The following PDZD2 variants were observed in gnomAD, a reference collection of about 807,000 sequenced individuals.
PDZD2 encodes the protein PDZ domain containing 2.
Under a neutral mutation model 220.7 loss-of-function variants are expected in PDZD2, and 90 were observed. The ratio of observed to expected loss-of-function variants is 0.41; its 90% CI spans 0.34 to 0.49. The LOEUF (loss-of-function observed/expected upper bound fraction) is 0.49, where lower values mean the gene tolerates loss of function less well. Among genes scored for constraint, PDZD2 ranks in the 20% least tolerant of loss-of-function variants. The probability of loss-of-function intolerance (pLI) is 0.28; values close to 1 mark genes in which losing one functional copy is unlikely to be tolerated. For missense variants in PDZD2, 3,174 were observed against 3,608.5 expected (o/e 0.88, Z 3.08); for synonymous variants, 1,375 against 1,450.5 (o/e 0.95, Z 1.18).
At chr5:31,840,822 C>T (rs1377743456) in intron 2 of PDZD2, 1 of 752,260 alleles carries the variant, frequency 1.3e-6, no homozygotes, top group East Asian at 2.5e-5. Context: ...GTGGGGCGTT[C>T]CTTTTTGAAC....
chr5:31,972,869 G>C (rs193053902), intron 2 of PDZD2, among the ~76,000 whole-genome samples: 49 of 152,304 alleles, frequency 3.2e-4, no homozygotes, highest in Admixed American at 1.8e-3. Flanking sequence ...TGTGTGTCTA[G>C]AGTTCTAATT....
At chr5:31,703,892 T>C (rs1409068420) in intron 1 of PDZD2, among the ~76,000 whole-genome samples, 1 of 152,178 alleles carries the variant, frequency 6.6e-6, no homozygotes, top group Non-Finnish European at 1.5e-5. Flanking sequence ...TTTACCCCCA[T>C]AGATACTGCT....
intron 2 of PDZD2, among the ~76,000 whole-genome samples, chr5:31,878,599 G>C (rs534248305): frequency 9.3e-6 from 1 of 107,584 alleles, no homozygotes; most frequent in African/African-American, 3.7e-5. Flanking sequence ...TCTCGCTGTC[G>C]CCCAGGCTGG....
chr5:31,855,215 A>T (rs1326091118), intron 2 of PDZD2: 2 of 694,700 alleles, frequency 2.9e-6, no homozygotes, highest in Non-Finnish European at 3.5e-6. Flanking sequence ...TTCTGATCTG[A>T]TCCAGGTCGG....
At chr5:31,841,307 T>A (rs1409744913) in intron 2 of PDZD2, among the ~76,000 whole-genome samples, 1 of 152,158 alleles carries the variant, frequency 6.6e-6, no homozygotes, top group East Asian at 1.9e-4. Context: ...ATTCTACCAC[T>A]TACCAAATGT....
chr5:31,878,672 T>C (rs2150333053), intron 2 of PDZD2, among the ~76,000 whole-genome samples: 1 of 145,454 alleles, frequency 6.9e-6, no homozygotes, highest in East Asian at 2.2e-4. Flanking sequence ...GCCATTCTCC[T>C]GCCTCAGCCT....
At position 32,088,398 on chromosome 5, in the gene PDZD2, C is replaced by G. The variant is rs1313113076; in HGVS notation, c.4950C>G (p.Ala1650=). 1.2e-6 allele frequency: 2 copies of G among 1,613,960 alleles called. No individual in the cohort carries two copies. Among genetic ancestry groups the G allele is most frequent in the African/African-American group, 1.3e-5 (1 of 75,016 alleles). The change falls in exon 20 of 25, where the codon GCC becomes GCG. Residue 1650 remains alanine (A), a synonymous_variant. Coordinates refer to ENST00000438447, the MANE Select transcript of PDZD2 (RefSeq NM_178140.4). This position sits in a 1 kb window ranked among gnomAD's most constrained non-coding sequence, Gnocchi z 4.6. ...TGGCCAGTCCCCGTGAGAAGGCCGC[C>G]TGCTTGCCAGGCTCATACACTTCAG... ...ESVASPREKA[A]CLPGSYTSGP...
At chr5:31,760,784 C>T (rs564800133) in intron 1 of PDZD2, among the ~76,000 whole-genome samples, 18 of 151,968 alleles carry the variant, frequency 1.2e-4, no homozygotes, top group Admixed American at 5.2e-4. Context: ...TAGCCAGATG[C>T]GGTGGTGTAT....
Position 31,799,528 on chromosome 5 carries a change from G to A in PDZD2, c.280G>A (p.Gly94Arg), listed in dbSNP as rs372050270. ...GLSFGNIPVF[G>R]DYGEKRRGGK... ...GAGTTTTGGGAACATCCCTGTTTTC[G>A]GGGACTATGGTGAAAAGCGCAGGGG... Residue 94 changes from glycine to arginine, a missense_variant, in exon 2 of 25, where the codon GGG becomes AGG. By Grantham distance (125) the Gly-to-Arg change is moderately radical. This residue lies in a region of PDZD2 where 632 missense variants were observed against 708.1 expected (regional missense o/e 0.89). Coordinates refer to ENST00000438447, the MANE Select transcript of PDZD2 (RefSeq NM_178140.4). 133 of 1,614,132 alleles carry A rather than the reference G, an allele frequency of 8.2e-5. 2 individuals carry two copies. The highest frequency in any genetic ancestry group is 6.6e-4 in the Middle Eastern group (4 of 6,062).
At chr5:31,725,397 A>G in intron 1 of PDZD2, 3 of 1,001,372 alleles carry the variant, frequency 3.0e-6, no homozygotes, top group Admixed American at 6.5e-5. Context: ...AATTATAACC[A>G]TTGCCTGATA....
At chr5:31,928,389 T>C (rs991753879) in intron 2 of PDZD2, among the ~76,000 whole-genome samples, 14 of 152,184 alleles carry the variant, frequency 9.2e-5, no homozygotes, top group Admixed American at 8.5e-4. Flanking sequence ...CATTCTTTCA[T>C]AGAGCATCTC....
intron 1 of PDZD2, among the ~76,000 whole-genome samples, chr5:31,782,460 C>A (rs1274301836): frequency 6.6e-6 from 1 of 152,028 alleles, no homozygotes; most frequent in East Asian, 1.9e-4. Context: ...TAAAATTAAC[C>A]TTCTTCCTGT....
chr5:32,087,352 T>C lies in PDZD2; in HGVS notation c.3904T>C (p.Tyr1302His), dbSNP rs1403610795. ...GGAGAAAGCAGCGGCTCCCCCTGAC[T>C]ACAGCAAGACTCGATCAGCATCGGA... ...PGEKAAAPPD[Y>H]SKTRSASETS... The change falls in exon 20 of 25, where the codon TAC becomes CAC. Residue 1302 changes from tyrosine to histidine, a missense_variant. Around this residue, in one of 4 missense-constraint regions of PDZD2, gnomAD observed 1,861 missense variants for 2,001.0 expected, o/e 0.93. Transcript: ENST00000438447. This position sits in a 1 kb window ranked among gnomAD's most constrained non-coding sequence, Gnocchi z 4.0. 6.2e-7 allele frequency: 1 copy of C among 1,614,068 alleles called. No homozygotes were observed. The highest frequency in any genetic ancestry group is 1.7e-5 in the Admixed American group (1 of 60,016).
At chr5:31,692,051 A>C (rs1415733586) in intron 1 of PDZD2, among the ~76,000 whole-genome samples, 1 of 152,166 alleles carries the variant, frequency 6.6e-6, no homozygotes, top group Non-Finnish European at 1.5e-5. Context: ...GACTGGGCGC[A>C]GTGGAGCACG....
Position 32,110,385 on chromosome 5 carries a change from A to T in PDZD2, c.*2250A>T, listed in dbSNP as rs1423317375. The T allele has an allele frequency of 5.9e-5, 9 of 152,648 alleles. No homozygotes were observed. The highest frequency in any genetic ancestry group is 2.2e-4 in the African/African-American group (9 of 41,458). The allele number at this position is 152,648 out of a possible 1,614,324, so 9.5% of individuals were successfully genotyped here. A position where few individuals can be genotyped will look rare whatever the true frequency, so the allele number is the denominator to read the frequency against. Reference sequence around the variant, plus strand: ...CAGAAGGTTTCCCTCGCCAACAAACAGTTGAAATTTAAGGGAAGAAGCAAA... The same window carrying T: ...CAGAAGGTTTCCCTCGCCAACAAACTGTTGAAATTTAAGGGAAGAAGCAAA... On this transcript the variant is annotated 3_prime_UTR_variant, in exon 25 of 25. Transcript: ENST00000438447.
chr5:32,056,818 A>G (rs548755142), intron 10 of PDZD2, among the ~76,000 whole-genome samples: 2 of 152,292 alleles, frequency 1.3e-5, no homozygotes, highest in East Asian at 3.9e-4. Context: ...GGCCGGGAGC[A>G]GTAGCTCACA....
chr5:31,749,354 G>C (rs1312004635), intron 1 of PDZD2, among the ~76,000 whole-genome samples: 1 of 151,880 alleles, frequency 6.6e-6, no homozygotes, highest in Admixed American at 6.6e-5. Context: ...TAGCATGGCA[G>C]TAAATCTGGG....
intron 5 of PDZD2, among the ~76,000 whole-genome samples, chr5:32,003,323 A>ACCCCCCCAC (rs1561317569): frequency 3.6e-5 from 1 of 27,588 alleles, no homozygotes; most frequent in Non-Finnish European, 7.9e-5. Context: ...CACCCCACAC[A>ACCCCCCCAC]CACACCCCCA....
At position 31,728,875 on chromosome 5, in the gene PDZD2, G is replaced by GTC. The variant is rs374628746; in HGVS notation, c.-360-70000_-360-69999dup. On this transcript the variant is annotated intron_variant, in intron 1 of 24. Coordinates refer to ENST00000438447, the MANE Select transcript of PDZD2 (RefSeq NM_178140.4). Reference sequence around the variant, plus strand: ...TTTATTTTATTTTATTTGAGACAGAGTCTCTCTCTCTCTCTGTCACCTAGG... The same window carrying GTC: ...TTTATTTTATTTTATTTGAGACAGAGTCTCTCTCTCTCTCTCTGTCACCTAGG... 1.2e-3 allele frequency among the ~76,000 whole-genome samples: 187 copies of GTC among 150,794 alleles called. 1 individual carries two copies. The highest frequency in any genetic ancestry group is 1.7e-3 in the Non-Finnish European group (116 of 67,642).
Sources: allele counts gnomAD v4.1 joint callset (sites outside exome capture counted in the v4.1 genomes callset), GRCh38; gene constraint gnomAD v4.1.1; regional missense constraint gnomAD v4.1.1; non-coding constraint Gnocchi (gnomAD v3.1); transcripts MANE v1.5; gene names NCBI Gene and HGNC (gene_info 2026-07-23, HGNC 2026-07-21).